The following POLR1B variants were observed in gnomAD, a reference collection of about 807,000 sequenced individuals.
The protein encoded by POLR1B is DNA-directed RNA polymerase I subunit RPA2.
In POLR1B, 30 loss-of-function variants were observed where a neutral mutation model predicts 105.8. The observed-to-expected ratio is 0.28, with a 90% CI of 0.21 to 0.38. The LOEUF is 0.38. POLR1B is among the 10% of genes least tolerant of loss of function. The pLI is 1.00. For missense variants in POLR1B, 976 were observed against 1,435.8 expected (o/e 0.68, Z 5.17); for synonymous variants, 485 against 505.1 (o/e 0.96, Z 0.53).
intron 7 of POLR1B, among the ~76,000 whole-genome samples, chr2:112,556,800 A>G (rs1349252961): frequency 6.6e-6 from 1 of 152,212 alleles, no homozygotes; most frequent in Non-Finnish European, 1.5e-5. Flanking sequence ...GATGGTGTAT[A>G]GTCTTTTTTT....
At chr2:112,555,351 G>GA (rs1186821622) in intron 7 of POLR1B, among the ~76,000 whole-genome samples, 2 of 151,312 alleles carry the variant, frequency 1.3e-5, no homozygotes, top group South Asian at 2.1e-4. Flanking sequence ...AAAGAAAAAA[G>GA]AAAAAAACAC....
Position 112,568,063 on chromosome 2 carries a change from A to C in POLR1B, c.1843A>C (p.Thr615Pro). Reference sequence around the variant, plus strand: ...GTACCCAGGATTGTTCCTTTTTACCACTCCTTGTAGACTGGTACGGCCTGT... The same window carrying C: ...GTACCCAGGATTGTTCCTTTTTACCCCTCCTTGTAGACTGGTACGGCCTGT... ...SLYPGLFLFT[T>P]PCRLVRPVQN... Residue 615 changes from threonine to proline, a missense_variant, in exon 11 of 15, where the codon ACT becomes CCT. Thr to Pro is a conservative substitution (Grantham distance 38). Around this residue, in one of 12 missense-constraint regions of POLR1B, gnomAD observed 184 missense variants for 197.4 expected, o/e 0.93. Transcript: ENST00000263331. 1 of 1,613,732 alleles carries C rather than the reference A, an allele frequency of 6.2e-7. No individual in the cohort carries two copies. The highest frequency in any genetic ancestry group is 8.5e-7 in the Non-Finnish European group (1 of 1,179,908).
intron 2 of POLR1B, 96 bp downstream of exon 2, chr2:112,547,275 G>A: frequency 3.3e-6 from 5 of 1,513,566 alleles, no homozygotes; most frequent in South Asian, 2.5e-5. Flanking sequence ...TGCTTTCTTG[G>A]TGCTATTGTC....
chr2:112,547,610 G>T, intron 3 of POLR1B, 43 bp downstream of exon 3: 2 of 1,585,010 alleles, frequency 1.3e-6, no homozygotes, highest in Non-Finnish European at 1.7e-6. Context: ...AGAAGGCCTG[G>T]GTTGGGAGTA....
At chr2:112,557,222 G>A (rs954008648) in intron 7 of POLR1B, among the ~76,000 whole-genome samples, 1 of 152,198 alleles carries the variant, frequency 6.6e-6, no homozygotes, top group Non-Finnish European at 1.5e-5. Flanking sequence ...GGAGGTTGAG[G>A]CTGCAGTGAA....
rs1234639629 is a variant in POLR1B, at chr2:112,575,571, C to T, written c.3250C>T (p.Pro1084Ser). 1.2e-6 allele frequency: 2 copies of T among 1,614,166 alleles called. No individual in the cohort carries two copies. The highest frequency in any genetic ancestry group is 3.3e-5 in the Admixed American group (2 of 60,020). Residue 1084 changes from proline to serine, a missense_variant, in exon 15 of 15, where the codon CCA becomes TCA. This residue lies in a region of POLR1B where 77 missense variants were observed against 104.5 expected (regional missense o/e 0.74). Coordinates refer to ENST00000263331, the MANE Select transcript of POLR1B (RefSeq NM_019014.6). This position sits in a 1 kb window ranked among gnomAD's most constrained non-coding sequence, Gnocchi z 5.3. The part of the protein sequence containing the change: ...GSLLSPLLEK[P>S]PPSWSAMRNR... The stretch of plus-strand genomic sequence containing the variant: ...TTTACTCTCTCCACTGTTGGAGAAG[C>T]CACCCCCTTCTTGGTCTGCCATGCG...
At chr2:112,564,257 A>G (rs1684162397) in intron 9 of POLR1B, 109 bp from the exon 10 acceptor site, 1 of 1,310,196 alleles carries the variant, frequency 7.6e-7, no homozygotes, top group Non-Finnish European at 1.1e-6. Context: ...AGAGACAAGG[A>G]TAATTTGATA....
At chr2:112,542,405 A>G, upstream of POLR1B, 1 of 1,611,780 alleles carries the variant, frequency 6.2e-7, no homozygotes, top group Non-Finnish European at 8.5e-7. Flanking sequence ...GGCTGCGGAA[A>G]CGGGACTGCG....
rs1205696164 is a variant in POLR1B, at chr2:112,568,026, A to G, written c.1806A>G (p.Gly602=). ...AAGTGGTCCTTATACCCATGACAGG[A>G]AAACCAAGTCTGTACCCAGGATTGT... The part of the protein sequence containing the change: ...WMEVVLIPMT[G]KPSLYPGLFL... Residue 602 remains glycine (G), a synonymous_variant, in exon 11 of 15, where the codon GGA becomes GGG. Coordinates refer to ENST00000263331, the MANE Select transcript of POLR1B (RefSeq NM_019014.6). 6.2e-7 allele frequency: 1 copy of G among 1,614,036 alleles called. No homozygotes were observed. The highest frequency in any genetic ancestry group is 1.3e-5 in the African/African-American group (1 of 74,932).
In POLR1B at chr2:112,551,011, TAATG is replaced by T; in HGVS notation, c.762+14_762+17del. On this transcript the variant is annotated intron_variant, in intron 5 of 14. Transcript: ENST00000263331. ...TGGGATTTGCACTTAAGGTATGACT[TAATG>T]AATGCATTCTTTTGTTATGAAGAAA... 6.2e-7 allele frequency: 1 copy of T among 1,610,804 alleles called. No homozygotes were observed. Among genetic ancestry groups the T allele is most frequent in the Non-Finnish European group, 8.5e-7 (1 of 1,176,956 alleles).
Position 112,573,696 on chromosome 2 carries a change from C to T in POLR1B, c.2406C>T (p.Arg802=), listed in dbSNP as rs770053789. Residue 802 remains arginine (R), a synonymous_variant, in exon 14 of 15, where the codon CGC becomes CGT. Coordinates refer to ENST00000263331, the MANE Select transcript of POLR1B (RefSeq NM_019014.6). The stretch of plus-strand genomic sequence containing the variant: ...TTGGCATCAAACCTGGTGACCCACG[C>T]GTTCTGCAGAAGTTAGATGACGATG... ...LVFGIKPGDP[R]VLQKLDDDGL... 1.4e-5 allele frequency: 23 copies of T among 1,614,058 alleles called. No individual in the cohort carries two copies. The East Asian group carries it at 1.6e-4, about 11-fold the overall frequency.
chr2:112,579,778 A>G lies in POLR1B; in HGVS notation c.*4049A>G, dbSNP rs1284422738. ...TGTCTTCTTACTGTTGAATTTCAAG[A>G]CTTCATTATATATTCCAGATATAAA... On this transcript the variant is annotated 3_prime_UTR_variant, in exon 15 of 15. Coordinates refer to ENST00000263331, the MANE Select transcript of POLR1B (RefSeq NM_019014.6). Among the ~76,000 whole-genome samples, 2 of 152,126 alleles carry G rather than the reference A, an allele frequency of 1.3e-5. No homozygotes were observed. The highest frequency in any genetic ancestry group is 2.9e-5 in the Non-Finnish European group (2 of 68,030).
chr2:112,560,557 C>T (rs1408382790), intron 9 of POLR1B, among the ~76,000 whole-genome samples: 1 of 152,016 alleles, frequency 6.6e-6, no homozygotes, highest in East Asian at 1.9e-4. Flanking sequence ...TGTCAGCCTT[C>T]TCTGCAGTCT....
chr2:112,566,735 CT>C (rs35459414), intron 10 of POLR1B, among the ~76,000 whole-genome samples: 38,104 of 142,176 alleles, frequency 0.27, 4,925 homozygotes, highest in African/African-American at 0.37. Context: ...AATCATTCCT[CT>C]TTTTTTTTTT....
At chr2:112,558,202 T>C in intron 8 of POLR1B, 121 bp downstream of exon 8, 1 of 705,594 alleles carries the variant, frequency 1.4e-6, no homozygotes, top group Non-Finnish European at 2.0e-6. Context: ...TTCTCATAAC[T>C]ATGACTTCGA....
chr2:112,558,222 G>A (rs898357881), intron 8 of POLR1B, 141 bp downstream of exon 8: 36 of 544,616 alleles, frequency 6.6e-5, no homozygotes, highest in Non-Finnish European at 8.6e-5. Context: ...ACAACTATTG[G>A]TCTAAAGGGC....
rs967921314 is a variant in POLR1B, at chr2:112,578,110, T to C, written c.*2381T>C. On this transcript the variant is annotated 3_prime_UTR_variant, in exon 15 of 15. Coordinates refer to ENST00000263331, the MANE Select transcript of POLR1B (RefSeq NM_019014.6). The stretch of plus-strand genomic sequence containing the variant: ...TCCCAAAAAAAATGTTTTTTAGCTT[T>C]TTAACTGTAGATTCACCACTAAGAA... 5.9e-5 allele frequency among the ~76,000 whole-genome samples: 9 copies of C among 152,216 alleles called. No homozygotes were observed. The highest frequency in any genetic ancestry group is 1.0e-4 in the Non-Finnish European group (7 of 68,042).
rs1195350882 is a variant in POLR1B, at chr2:112,560,470, C to T, written c.1612+896C>T. The stretch of plus-strand genomic sequence containing the variant: ...TATCATCAGATATATAACCTTTTTT[C>T]CTGATAACCTTAAAGCTGCTGTCTC... On this transcript the variant is annotated intron_variant, in intron 9 of 14. Transcript: ENST00000263331. Among the ~76,000 whole-genome samples, 3 of 151,894 alleles carry T rather than the reference C, an allele frequency of 2.0e-5. No individual in the cohort carries two copies. The South Asian group carries it at 6.2e-4, about 32-fold the overall frequency.
chr2:112,549,084 C>T (rs962244452), intron 3 of POLR1B, among the ~76,000 whole-genome samples, 183 bp from the exon 4 acceptor site: 1 of 152,124 alleles, frequency 6.6e-6, no homozygotes, highest in Admixed American at 6.5e-5. Flanking sequence ...TTGTAATATA[C>T]TTGAGAAAAC....
Sources: gnomAD v4.1 joint callset for allele counts (sites outside exome capture counted in the v4.1 genomes callset) on GRCh38, gnomAD v4.1.1 for gene constraint, gnomAD v4.1.1 regional missense constraint, Gnocchi (gnomAD v3.1) non-coding constraint, MANE v1.5 for transcripts, NCBI Gene and HGNC (gene_info 2026-07-23, HGNC 2026-07-21) for gene names.